Variants in COPS3 observed in about 807,000 individuals in gnomAD.
The protein encoded by COPS3 is COP9 signalosome subunit 3, also known as COP9 signalosome complex subunit 3.
A neutral mutation model predicts 58.2 loss-of-function variants in COPS3; 10 were observed. The observed-to-expected ratio is 0.17, with a 90% CI of 0.11 to 0.29. The LOEUF (loss-of-function observed/expected upper bound fraction) is 0.29, where lower values mean the gene tolerates loss of function less well. COPS3 is among the 10% of genes least tolerant of loss of function. The pLI, the probability that COPS3 is intolerant of heterozygous loss-of-function variation, is 1.00. For synonymous variants in COPS3, 187 were observed against 181.7 expected, an observed-to-expected ratio of 1.03 and a Z score of -0.24; for missense variants, 333 against 510.1, an observed-to-expected ratio of 0.65 and a Z score of 3.34.
intron 11 of COPS3, 71 bp from the exon 12 acceptor site, chr17:17,247,222 A>G (rs2047743545): frequency 7.0e-7 from 1 of 1,425,904 alleles, no homozygotes; most frequent in African/African-American, 1.4e-5. Flanking sequence ...CCCAATAAGC[A>G]CACCAGTTGC....
chr17:17,270,979 G>A lies in COPS3; in HGVS notation c.215C>T (p.Pro72Leu), dbSNP rs1276957039. 2.5e-6 allele frequency: 4 copies of A among 1,613,946 alleles called. No individual in the cohort carries two copies. In the Admixed American group the frequency reaches 5.0e-5, roughly 20 times the overall value. Residue 72 changes from proline (P) to leucine (L), a missense_variant, in exon 3 of 12, where the codon CCT (proline) becomes CTT (leucine). By Grantham distance (98) the Pro-to-Leu change is moderately conservative. Transcript: ENST00000268717. The part of the protein sequence containing the change: ...LFVKFSMPSV[P>L]DFETLFSQVQ... Reference sequence around the variant, plus strand: ...CTGTGAGAATAGCGTTTCGAAGTCAGGAACACTGGGCATAGAAAACTTCAC... The same window carrying A: ...CTGTGAGAATAGCGTTTCGAAGTCAAGAACACTGGGCATAGAAAACTTCAC...
chr17:17,252,261 A>C (rs141643178), intron 9 of COPS3, among the ~76,000 whole-genome samples: 24 of 152,266 alleles, frequency 1.6e-4, no homozygotes, highest in East Asian at 3.9e-4. Context: ...AACAAACAAA[A>C]AAAAACCCTG....
At chr17:17,251,573 C>T (rs2047844606) in intron 9 of COPS3, among the ~76,000 whole-genome samples, 1 of 152,000 alleles carries the variant, frequency 6.6e-6, no homozygotes, top group Non-Finnish European at 1.5e-5. Context: ...GCTGAGATTA[C>T]AGGCACCACG....
At chr17:17,251,928 G>A (rs915383071) in intron 9 of COPS3, among the ~76,000 whole-genome samples, 1 of 151,868 alleles carries the variant, frequency 6.6e-6, no homozygotes, top group African/African-American at 2.4e-5. Context: ...AATTAGCCAG[G>A]CGTAGTGGTG....
chr17:17,257,425 A>G (rs1243902951), intron 8 of COPS3, among the ~76,000 whole-genome samples: 1 of 151,996 alleles, frequency 6.6e-6, no homozygotes, highest in African/African-American at 2.4e-5. Flanking sequence ...AATAGCACGT[A>G]GAGTATGACC....
intron 6 of COPS3, among the ~76,000 whole-genome samples, chr17:17,262,667 T>G (rs1046864941): frequency 6.6e-6 from 1 of 151,922 alleles, no homozygotes; most frequent in Non-Finnish European, 1.5e-5. Flanking sequence ...GAGGCGGAGC[T>G]TGCAGTGAGC....
Position 17,249,537 on chromosome 17 carries a change from G to C in COPS3, c.1024-498C>G, listed in dbSNP as rs866752670. On this transcript the variant is annotated intron_variant, in intron 9 of 11. Coordinates refer to ENST00000268717, the MANE Select transcript of COPS3 (RefSeq NM_003653.4). ...GATGGCGTTTCGCTCTTGTTGCCCA[G>C]GCTGGAGTGTAATGGCACAATCTCG... is the stretch of plus-strand genomic sequence containing the variant. Among the ~76,000 whole-genome samples, 7 of 152,188 alleles carry C rather than the reference G, an allele frequency of 4.6e-5. No homozygotes were observed. In the South Asian group the frequency reaches 1.2e-3, roughly 27 times the overall value.
At chr17:17,252,897 C>G (rs1479152447) in intron 9 of COPS3, among the ~76,000 whole-genome samples, 1 of 152,080 alleles carries the variant, frequency 6.6e-6, no homozygotes, top group Non-Finnish European at 1.5e-5. Flanking sequence ...AGCAAAAAAC[C>G]CTTTAGAACA....
intron 6 of COPS3, among the ~76,000 whole-genome samples, chr17:17,263,742 G>A (rs774277286): frequency 3.2e-4 from 48 of 151,710 alleles, no homozygotes; most frequent in Admixed American, 6.6e-4. Context: ...TCGAACTCCC[G>A]ACCTCAGGTG....
In COPS3 at chr17:17,270,971, C is replaced by G; in HGVS notation, c.223G>C (p.Glu75Gln). Residue 75 changes from glutamate (E) to glutamine (Q), a missense_variant, in exon 3 of 12, where the codon GAA (glutamate) becomes CAA (glutamine). Transcript: ENST00000268717. Reference sequence around the variant, plus strand: ...AGCTGAACCTGTGAGAATAGCGTTTCGAAGTCAGGAACACTGGGCATAGAA... The same window carrying G: ...AGCTGAACCTGTGAGAATAGCGTTTGGAAGTCAGGAACACTGGGCATAGAA... ...KFSMPSVPDFETLFSQVQLFI... is the reference protein window; with the variant it reads ...KFSMPSVPDFQTLFSQVQLFI... 6.2e-7 allele frequency: 1 copy of G among 1,613,924 alleles called. No individual in the cohort carries two copies. The highest frequency in any genetic ancestry group is 8.5e-7 in the Non-Finnish European group (1 of 1,179,978).
rs1246252332 is a variant in COPS3 at position 17,247,579 on chromosome 17, A to G, written c.1138-19T>C. 6.2e-7 allele frequency: 1 copy of G among 1,613,924 alleles called. No homozygotes were observed. The highest frequency in any genetic ancestry group is 8.5e-7 in the Non-Finnish European group (1 of 1,179,824). Reference sequence around the variant, plus strand: ...TCAGCATCTGCATGACAGGCACATTAGAAGGTGGTCAGCGGCGGGTTTAGG... The same window carrying G: ...TCAGCATCTGCATGACAGGCACATTGGAAGGTGGTCAGCGGCGGGTTTAGG... On this transcript the variant is annotated intron_variant, in intron 10 of 11. Coordinates refer to ENST00000268717, the MANE Select transcript of COPS3 (RefSeq NM_003653.4).
intron 5 of COPS3, 151 bp downstream of exon 5, chr17:17,267,734 C>A (rs987000874): frequency 3.7e-5 from 22 of 596,814 alleles, no homozygotes; most frequent in African/African-American, 3.2e-4. Flanking sequence ...CAGCACCCGC[C>A]TGAATGTAAT....
chr17:17,257,410 T>C (rs1597669251), intron 8 of COPS3, among the ~76,000 whole-genome samples: 1 of 147,306 alleles, frequency 6.8e-6, no homozygotes, highest in African/African-American at 2.5e-5. Context: ...AAGAGCAGGG[T>C]CAAGAATAGC....
chr17:17,247,764 A>G, intron 10 of COPS3: 1 of 493,670 alleles, frequency 2.0e-6, no homozygotes, highest in African/African-American at 1.9e-5. Context: ...CCCACCCAGC[A>G]GGATCTAGGC....
At chr17:17,256,118 G>A (rs1958525238) in intron 8 of COPS3, among the ~76,000 whole-genome samples, 2 of 150,332 alleles carry the variant, frequency 1.3e-5, no homozygotes, top group African/African-American at 4.9e-5. Flanking sequence ...GGTGGAGCTT[G>A]TTGTGAGCCA....
At chr17:17,263,809 C>T (rs773632267) in intron 6 of COPS3, among the ~76,000 whole-genome samples, 3 of 152,186 alleles carry the variant, frequency 2.0e-5, no homozygotes, top group Non-Finnish European at 2.9e-5. Flanking sequence ...CCACCGCACT[C>T]GGACGCCTCT....
At position 17,247,133 on chromosome 17, in the gene COPS3, C is replaced by G; in HGVS notation, c.1237G>C (p.Asp413His). The G allele has an allele frequency of 6.2e-7, 1 of 1,613,908 alleles. No individual in the cohort carries two copies. Among genetic ancestry groups the G allele is most frequent in the Non-Finnish European group, 8.5e-7 (1 of 1,179,822 alleles). Residue 413 changes from aspartate (D) to histidine (H), a missense_variant, in exon 12 of 12, where the codon GAT (aspartate) becomes CAT (histidine). Physicochemically the swap from Asp to His is moderately conservative, Grantham distance 81 (BLOSUM62 -1). Coordinates refer to ENST00000268717, the MANE Select transcript of COPS3 (RefSeq NM_003653.4). ...FVQKSMGSQEDDSGNKPSSYS is the reference protein window; with the variant it reads ...FVQKSMGSQEHDSGNKPSSYS Reference sequence around the variant, plus strand: ...CTGGATGGTTTGTTTCCTGAATCATCTTCTTGTGAGCCCATACTCTGTAAA... The same window carrying G: ...CTGGATGGTTTGTTTCCTGAATCATGTTCTTGTGAGCCCATACTCTGTAAA...
intron 4 of COPS3, among the ~76,000 whole-genome samples, chr17:17,268,722 G>C (rs919831240): frequency 2.0e-5 from 3 of 152,006 alleles, no homozygotes; most frequent in African/African-American, 7.3e-5. Context: ...AGGAGGCTGA[G>C]GCAGGAGAAT....
chr17:17,267,347 AG>A (rs2145232172), intron 5 of COPS3, among the ~76,000 whole-genome samples: 1 of 148,376 alleles, frequency 6.7e-6, no homozygotes, highest in South Asian at 2.1e-4. Context: ...AAAAAAAAAA[AG>A]TTACAACTAG....
Sources: allele counts gnomAD v4.1 joint callset (sites outside exome capture counted in the v4.1 genomes callset), GRCh38; gene constraint gnomAD v4.1.1; transcripts MANE v1.5; gene names NCBI Gene and HGNC (gene_info 2026-07-23, HGNC 2026-07-21).